RAD51D: variants seen among roughly 807,000 people sequenced by gnomAD.
RAD51D encodes DNA repair protein RAD51 homolog 4.
A neutral mutation model predicts 44.1 loss-of-function variants in RAD51D; 38 were observed. The ratio of observed to expected loss-of-function variants is 0.86; its 90% confidence interval spans 0.67 to 1.13. RAD51D has a LOEUF of 1.13. RAD51D is among the 50% of genes most tolerant of loss of function. The pLI is 0.00. For synonymous variants in RAD51D, 141 were observed against 166.6 expected (o/e 0.85, Z 1.18); for missense variants, 390 against 414.0 (o/e 0.94, Z 0.50).
At chr17:35,110,494 T>C (rs559494076) in intron 3 of RAD51D, among the ~76,000 whole-genome samples, 1 of 152,334 alleles carries the variant, frequency 6.6e-6, no homozygotes, top group Non-Finnish European at 1.5e-5. Context: ...ATCTAAGAAC[T>C]CTTTGCCTAG....
intron 1 of RAD51D, 117 bp from the exon 2 acceptor site, chr17:35,119,289 G>A (rs1479014471): frequency 5.7e-6 from 6 of 1,044,428 alleles, no homozygotes; most frequent in Non-Finnish European, 8.9e-6. Context: ...CGTCTCAGGA[G>A]GCCAGTGTGA....
At chr17:35,101,127 T>G in intron 9 of RAD51D, 74 bp downstream of exon 9, 3 of 1,611,336 alleles carry the variant, frequency 1.9e-6, no homozygotes, top group Non-Finnish European at 2.5e-6. Flanking sequence ...AGAGTTCTTC[T>G]CGAAGACATC....
At chr17:35,107,930 AT>A (rs2091628899) in intron 3 of RAD51D, among the ~76,000 whole-genome samples, 1 of 150,632 alleles carries the variant, frequency 6.6e-6, no homozygotes. Context: ...AGTTTTTTTA[AT>A]TAGAGACGGG....
chr17:35,115,170 T>C, intron 3 of RAD51D: 1 of 449,544 alleles, frequency 2.2e-6, no homozygotes, highest in Non-Finnish European at 4.5e-6. Context: ...ACCTGGGTTT[T>C]ACCACTGCCT....
chr17:35,097,112 G>GT lies in RAD51D; in HGVS notation c.*3840_*3841insA, dbSNP rs2091490770. On this transcript the variant is annotated 3_prime_UTR_variant, in exon 10 of 10. Transcript: ENST00000345365. Reference sequence around the variant, plus strand: ...AGACACTCTGGGGACTCAATGATGTGGGTGTGAACATATATATATATTTTT... The same window carrying GT: ...AGACACTCTGGGGACTCAATGATGTGTGGTGTGAACATATATATATATTTTT... 6.8e-6 allele frequency: 1 copy of GT among 146,018 alleles called. No homozygotes were observed. The highest frequency in any genetic ancestry group is 7.1e-5 in the Admixed American group (1 of 14,114). 9.0% of individuals were successfully genotyped at this position (146,018 alleles called of 1,614,324 possible). A position where few individuals can be genotyped will look rare whatever the true frequency, so the allele number is the denominator to read the frequency against.
intron 6 of RAD51D, chr17:35,106,150 A>G (rs765901411): frequency 1.5e-6 from 1 of 678,530 alleles, no homozygotes; most frequent in Non-Finnish European, 2.8e-6. Context: ...GCAGACATAA[A>G]TATGACATGA....
intron 3 of RAD51D, among the ~76,000 whole-genome samples, chr17:35,114,279 TA>T (rs1324941774): frequency 6.7e-6 from 1 of 150,202 alleles, no homozygotes; most frequent in African/African-American, 2.4e-5. Flanking sequence ...CTCAAAAAAA[TA>T]AAATTAATTA....
chr17:35,111,268 C>T (rs1439568174), intron 3 of RAD51D, among the ~76,000 whole-genome samples: 4 of 141,090 alleles, frequency 2.8e-5, no homozygotes, highest in Admixed American at 7.3e-5. Context: ...GTAGGAGAAT[C>T]GCTTGAACCC....
chr17:35,104,360 C>G (rs1169104135), intron 6 of RAD51D, among the ~76,000 whole-genome samples: 1 of 152,156 alleles, frequency 6.6e-6, no homozygotes, highest in Non-Finnish European at 1.5e-5. Context: ...GCCTCTAGGC[C>G]TCATCTTCCG....
chr17:35,107,279 A>G, intron 4 of RAD51D, 87 bp downstream of exon 4: 1 of 1,446,418 alleles, frequency 6.9e-7, no homozygotes, highest in Non-Finnish European at 9.7e-7. Context: ...TGAACCCATT[A>G]GTACGCTGAA....
At chr17:35,119,325 C>A (rs2091792877) in intron 1 of RAD51D, 153 bp from the exon 2 acceptor site, 23 of 899,196 alleles carry the variant, frequency 2.6e-5, no homozygotes, top group Non-Finnish European at 4.0e-5. Flanking sequence ...GGAGCCGGCG[C>A]GGTGCCCTGC....
At chr17:35,119,471 CG>C in intron 1 of RAD51D, 60 bp downstream of exon 1, 1 of 1,573,400 alleles carries the variant, frequency 6.4e-7, no homozygotes, top group Non-Finnish European at 8.7e-7. Context: ...CGCCAGCCCT[CG>C]GGGCCTGCCC....
chr17:35,107,308 G>A (rs2142435658), intron 4 of RAD51D, 58 bp downstream of exon 4: 1 of 1,494,268 alleles, frequency 6.7e-7, no homozygotes, highest in South Asian at 1.1e-5. Context: ...AGGGACCCTG[G>A]GCTATGCATC....
Position 35,100,088 on chromosome 17 carries a change from G to A in RAD51D, c.*865C>T, listed in dbSNP as rs1490722474. On this transcript the variant is annotated 3_prime_UTR_variant, in exon 10 of 10. Coordinates refer to ENST00000345365, the MANE Select transcript of RAD51D (RefSeq NM_002878.4). ...TGCAAATTCTCCTCTGTCTGTTTAT[G>A]GGCAAGGCCATGGTTCAGCACCTCT... 1.9e-6 allele frequency: 1 copy of A among 533,178 alleles called. No homozygotes were observed. The highest frequency in any genetic ancestry group is 2.2e-5 in the Admixed American group (1 of 45,010). The allele number at this position is 533,178 out of a possible 1,614,324, so 33.0% of individuals were successfully genotyped here.
Position 35,100,679 on chromosome 17 carries a change from A to G in RAD51D, c.*274T>C, listed in dbSNP as rs1597854954. 1.7e-6 allele frequency: 1 copy of G among 594,454 alleles called. No individual in the cohort carries two copies. The highest frequency in any genetic ancestry group is 3.2e-5 in the East Asian group (1 of 31,350). 36.8% of individuals were successfully genotyped at this position (594,454 alleles called of 1,614,324 possible). A position where few individuals can be genotyped will look rare whatever the true frequency, so the allele number is the denominator to read the frequency against. ...TCAGAGATGCTCCCAGCCAGGGTGA[A>G]CTTGGTTTCCACCAGAAACATACAC... is the stretch of plus-strand genomic sequence containing the variant. On this transcript the variant is annotated 3_prime_UTR_variant, in exon 10 of 10. Coordinates refer to ENST00000345365, the MANE Select transcript of RAD51D (RefSeq NM_002878.4).
rs976570041 is a variant in RAD51D at position 35,119,268 on chromosome 17, C to T, written c.83-96G>A. 3.3e-6 allele frequency: 4 copies of T among 1,196,602 alleles called. No homozygotes were observed. The African/African-American group carries it at 4.5e-5, about 13-fold the overall frequency. The allele number at this position is 1,196,602 out of a possible 1,614,324, so 74.1% of individuals were successfully genotyped here. A position where few individuals can be genotyped will look rare whatever the true frequency, so the allele number is the denominator to read the frequency against. The stretch of plus-strand genomic sequence containing the variant: ...TGTCAAATGGGGTGTCAATTCTACC[C>T]CCCGGCAGGCCGTCTCAGGAGGCCA... On this transcript the variant is annotated intron_variant, in intron 1 of 9. Transcript: ENST00000345365.
At chr17:35,106,199 A>T (rs757335170) in intron 6 of RAD51D, 187 bp downstream of exon 6, 1 of 736,774 alleles carries the variant, frequency 1.4e-6, no homozygotes, top group Non-Finnish European at 2.5e-6. Context: ...AGCAGGGAAG[A>T]TGAACATGTA....
intron 3 of RAD51D, among the ~76,000 whole-genome samples, chr17:35,110,905 A>G (rs1597867095): frequency 6.6e-6 from 1 of 152,160 alleles, no homozygotes; most frequent in African/African-American, 2.4e-5. Flanking sequence ...CAGGAGTTCA[A>G]GACCAGCCTG....
At chr17:35,115,946 AAG>A (rs1423919118) in intron 3 of RAD51D, among the ~76,000 whole-genome samples, 7 of 124,108 alleles carry the variant, frequency 5.6e-5, no homozygotes, top group East Asian at 2.2e-4. Flanking sequence ...GAAGAAAGAA[AAG>A]GAAGAAAGGA....
Sources: allele counts gnomAD v4.1 joint callset (sites outside exome capture counted in the v4.1 genomes callset), GRCh38; gene constraint gnomAD v4.1.1; transcripts MANE v1.5; gene names NCBI Gene and HGNC (gene_info 2026-07-23, HGNC 2026-07-21).